CD99: variants seen among roughly 807,000 people sequenced by gnomAD.
CD99 encodes CD99 molecule (Xg blood group).
Under a neutral mutation model 28.4 loss-of-function variants are expected in CD99, and 19 were observed. The ratio of observed to expected loss-of-function variants is 0.67; its 90% confidence interval spans 0.47 to 0.98. The LOEUF (loss-of-function observed/expected upper bound fraction) is 0.98, where lower values mean the gene tolerates loss of function less well. Among genes scored for constraint, CD99 ranks in the 50% least tolerant of loss-of-function variants. CD99 has a pLI of 0.00. For synonymous variants in CD99, 103 were observed against 92.1 expected (o/e 1.12, Z -0.67); for missense variants, 283 against 248.8 (o/e 1.14, Z -0.92).
intron 8 of CD99, chrX:2,727,355 C>T (rs765576052): frequency 1.3e-6 from 1 of 778,812 alleles, no homozygotes; most frequent in Admixed American, 1.7e-5. Context: ...GAAGTAAGCC[C>T]TGCTATTTGG....
At chrX:2,721,841 T>C (rs944435312) in intron 5 of CD99, among the ~76,000 whole-genome samples, 1 of 152,218 alleles carries the variant, frequency 6.6e-6, no homozygotes, top group African/African-American at 2.4e-5. Flanking sequence ...TTTAGAATTA[T>C]GAATTAACAA....
chrX:2,717,113 G>A (rs1300954695), intron 2 of CD99, among the ~76,000 whole-genome samples: 5 of 152,108 alleles, frequency 3.3e-5, no homozygotes, highest in Non-Finnish European at 2.9e-5. Context: ...TTGGGAGGAC[G>A]AGGTGGGTGG....
chrX:2,737,152 G>A (rs1029627793), intron 8 of CD99, among the ~76,000 whole-genome samples: 44 of 152,150 alleles, frequency 2.9e-4, no homozygotes, highest in African/African-American at 9.6e-4. Context: ...ATGCTAATCT[G>A]CTGAGATTCT....
rs756091530 is a variant in CD99, at chrX:2,726,221, G to A, written c.362-39G>A. On this transcript the variant is annotated intron_variant, in intron 7 of 9. Coordinates refer to ENST00000381192, the MANE Select transcript of CD99 (RefSeq NM_002414.5). The stretch of plus-strand genomic sequence containing the variant: ...CCCCCTGGGATCTTCTCTGCACCGT[G>A]CGTGTCTCAATCACGATGCTGTGTG... The A allele has an allele frequency of 3.2e-6, 4 of 1,256,086 alleles. No individual in the cohort carries two copies. In the Admixed American group the frequency reaches 6.7e-5, roughly 21 times the overall value. 77.8% of individuals were successfully genotyped at this position (1,256,086 alleles called of 1,614,324 possible).
intron 1 of CD99, among the ~76,000 whole-genome samples, chrX:2,712,839 C>A (rs1444736564): frequency 6.6e-6 from 1 of 152,060 alleles, no homozygotes; most frequent in Non-Finnish European, 1.5e-5. Context: ...ATACTCAAAA[C>A]ACACCTTCAC....
chrX:2,723,326 G>A lies in CD99; in HGVS notation c.323G>A (p.Ser108Asn). 1 of 1,613,984 alleles carries A rather than the reference G, an allele frequency of 6.2e-7. No individual in the cohort carries two copies. The highest frequency in any genetic ancestry group is 8.5e-7 in the Non-Finnish European group (1 of 1,179,866). ...GVSGGEGKGG[S>N]DGGGSHRKEG... ...TTTTGTCTTGCAGGAAAAGGAGGCA[G>A]TGATGGTGGAGGCAGCCACAGGAAA... Residue 108 changes from serine (S) to asparagine (N), a missense_variant, in exon 7 of 10, where the codon AGT (serine) becomes AAT (asparagine). Coordinates refer to ENST00000381192, the MANE Select transcript of CD99 (RefSeq NM_002414.5).
At chrX:2,711,122 TG>T (rs1365780008) in intron 1 of CD99, among the ~76,000 whole-genome samples, 3 of 150,434 alleles carry the variant, frequency 2.0e-5, no homozygotes, top group Non-Finnish European at 3.0e-5. Context: ...CCTCTCACCT[TG>T]GCCTCCCAAA....
intron 8 of CD99, among the ~76,000 whole-genome samples, chrX:2,732,198 T>C (rs1221805389): frequency 1.3e-5 from 2 of 152,108 alleles, no homozygotes; most frequent in South Asian, 2.1e-4. Context: ...GCTTCTCTCA[T>C]GCACTCGGGG....
intron 2 of CD99, among the ~76,000 whole-genome samples, chrX:2,716,472 G>A (rs1025054066): frequency 1.1e-4 from 17 of 152,144 alleles, no homozygotes; most frequent in African/African-American, 3.9e-4. Flanking sequence ...GAGTAGCTGG[G>A]ACTACAGGCA....
At chrX:2,693,959 C>T (rs2124452265) in intron 1 of CD99, among the ~76,000 whole-genome samples, 1 of 152,282 alleles carries the variant, frequency 6.6e-6, no homozygotes, top group African/African-American at 2.4e-5. Flanking sequence ...GGACGGCCTC[C>T]AGCACAAAGA....
At chrX:2,702,114 A>T (rs2047891112) in intron 1 of CD99, among the ~76,000 whole-genome samples, 1 of 152,210 alleles carries the variant, frequency 6.6e-6, no homozygotes, top group African/African-American at 2.4e-5. Flanking sequence ...TAATGTGCTT[A>T]CAGATCACCT....
intron 7 of CD99, among the ~76,000 whole-genome samples, chrX:2,724,247 T>C (rs1457853183): frequency 6.6e-6 from 1 of 152,188 alleles, no homozygotes; most frequent in African/African-American, 2.4e-5. Flanking sequence ...ATGTCTACTA[T>C]GTCACTTCAT....
At chrX:2,738,094 C>A in intron 8 of CD99, 106 bp from the exon 9 acceptor site, 1 of 984,700 alleles carries the variant, frequency 1.0e-6, no homozygotes, top group Non-Finnish European at 1.7e-6. Flanking sequence ...CTCATCCAAG[C>A]AATAGGAGCG....
intron 1 of CD99, among the ~76,000 whole-genome samples, chrX:2,706,183 C>G (rs191985390): frequency 6.6e-6 from 1 of 151,856 alleles, no homozygotes; most frequent in Non-Finnish European, 1.5e-5. Context: ...CACGGTGAAA[C>G]CCAGTCTCTA....
chrX:2,702,936 C>G (rs2047932568), intron 1 of CD99, among the ~76,000 whole-genome samples: 1 of 152,130 alleles, frequency 6.6e-6, no homozygotes, highest in African/African-American at 2.4e-5. Context: ...CATGGGATTA[C>G]AGCCACCACG....
At chrX:2,717,523 T>C in intron 2 of CD99, 82 bp from the exon 3 acceptor site, 1 of 1,114,170 alleles carries the variant, frequency 9.0e-7, no homozygotes, top group South Asian at 1.3e-5. Context: ...TCCAAGAAAA[T>C]GAAACATCCT....
In CD99 at chrX:2,726,894, G is replaced by A. The variant is rs148381568; in HGVS notation, c.475+521G>A. ...TCACACCTGTAATCCCAGCACTTTG[G>A]GAGGCCGAGACGGGCGGATCACGAG... On this transcript the variant is annotated intron_variant, in intron 8 of 9. Coordinates refer to ENST00000381192, the MANE Select transcript of CD99 (RefSeq NM_002414.5). 4.5e-3 allele frequency among the ~76,000 whole-genome samples: 692 copies of A among 152,294 alleles called. 29 individuals are homozygous for A. The East Asian group carries it at 0.1, about 22-fold the overall frequency.
intron 1 of CD99, chrX:2,692,236 C>G (rs1180722605): frequency 9.2e-6 from 3 of 325,262 alleles, no homozygotes; most frequent in African/African-American, 2.5e-5. Flanking sequence ...GTTATAAATT[C>G]TTTTTTCATG....
chrX:2,719,053 C>G (rs1037807711), intron 3 of CD99: 2 of 153,852 alleles, frequency 1.3e-5, no homozygotes, highest in African/African-American at 4.8e-5. Flanking sequence ...TCAGTACATG[C>G]TGTTGGGTGG....
Sources: gnomAD v4.1 joint callset for allele counts (sites outside exome capture counted in the v4.1 genomes callset) on GRCh38, gnomAD v4.1.1 for gene constraint, MANE v1.5 for transcripts, NCBI Gene and HGNC (gene_info 2026-07-23, HGNC 2026-07-21) for gene names.